Variants in RFX8 observed in about 807,000 individuals in gnomAD.
RFX8 encodes regulatory factor X8.
In RFX8, 46 loss-of-function variants were observed where a neutral mutation model predicts 54.6. The observed-to-expected ratio is 0.84, with a 90% CI of 0.67 to 1.08. RFX8 has a LOEUF of 1.08. Among genes scored for constraint, RFX8 ranks in the 50% least tolerant of loss-of-function variants. The pLI, the probability that RFX8 is intolerant of heterozygous loss-of-function variation, is 0.00. For synonymous variants in RFX8, 192 were observed against 209.5 expected (o/e 0.92, Z 0.72); for missense variants, 536 against 562.3 (o/e 0.95, Z 0.47).
rs755075153 is a variant in RFX8, at chr2:101,450,639, A to G, written c.72+16138T>C. On this transcript the variant is annotated intron_variant, in intron 2 of 11. Transcript: ENST00000428343. Reference sequence around the variant, plus strand: ...TATCAGGTAGCAATACTGGGCATAGAAGAAAGAGCTTTTCTTGATACAGAT... The same window carrying G: ...TATCAGGTAGCAATACTGGGCATAGGAGAAAGAGCTTTTCTTGATACAGAT... The G allele has an allele frequency of 5.3e-6, 8 of 1,517,380 alleles. No homozygotes were observed. In the South Asian group the frequency reaches 9.6e-5, roughly 18 times the overall value. The allele number at this position is 1,517,380 out of a possible 1,614,324, so 94.0% of individuals were successfully genotyped here.
intron 1 of RFX8, among the ~76,000 whole-genome samples, chr2:101,469,289 C>T (rs545701477): frequency 4.7e-5 from 7 of 147,520 alleles, no homozygotes; most frequent in African/African-American, 1.5e-4. Flanking sequence ...TGAATAGCTG[C>T]GACTACAGGC....
intron 9 of RFX8, among the ~76,000 whole-genome samples, chr2:101,406,790 G>A (rs1318146883): frequency 6.6e-6 from 1 of 152,184 alleles, no homozygotes; most frequent in Non-Finnish European, 1.5e-5. Context: ...TCTGATTGTG[G>A]AAAAGGGGCA....
At chr2:101,455,708 T>C (rs1301462369) in intron 2 of RFX8, among the ~76,000 whole-genome samples, 1 of 152,232 alleles carries the variant, frequency 6.6e-6, no homozygotes, top group Non-Finnish European at 1.5e-5. Flanking sequence ...GGCTCCTTTA[T>C]GGTTCCATAT....
Position 101,402,606 on chromosome 2 carries a change from C to G in RFX8, c.1075G>C (p.Ala359Pro). ...DDPTLGQPDQALFHSLNSSLS... is the reference protein window; with the variant it reads ...DDPTLGQPDQPLFHSLNSSLS... ...GAGGAATTCAGAGAATGGAAAAGTG[C>G]CTGGTCTGGCTGGCCGAGAGTCGGG... The change falls in exon 11 of 12, where the codon GCA (alanine) becomes CCA (proline). Residue 359 changes from alanine (A) to proline (P), a missense_variant. Ala to Pro is a conservative substitution (Grantham distance 27). Transcript: ENST00000428343. 1 of 1,552,134 alleles carries G rather than the reference C, an allele frequency of 6.4e-7. No individual in the cohort carries two copies. The highest frequency in any genetic ancestry group is 8.7e-7 in the Non-Finnish European group (1 of 1,147,124).
chr2:101,462,215 C>T (rs1041445062), intron 2 of RFX8, among the ~76,000 whole-genome samples: 8 of 152,136 alleles, frequency 5.3e-5, no homozygotes, highest in African/African-American at 1.7e-4. Context: ...ATTGCTTAAG[C>T]CCAGGGGTCC....
In RFX8 at chr2:101,397,718, G is replaced by C. The variant is rs1222166080; in HGVS notation, c.1252C>G (p.Gln418Glu). Residue 418 changes from glutamine (Q) to glutamate (E), a missense_variant, in exon 12 of 12, where the codon CAG (glutamine) becomes GAG (glutamate). By Grantham distance (29) the Gln-to-Glu change is conservative. Transcript: ENST00000428343. ...GTGGTTTCATCTTCCAACAGCACCT[G>C]GATGAGCTGCAAGAGGGAAATGTTT... is the stretch of plus-strand genomic sequence containing the variant. The part of the protein sequence containing the change: ...VDTAMGNKLI[Q>E]VLLEDETTES... 7.8e-6 allele frequency: 12 copies of C among 1,546,814 alleles called. No individual in the cohort carries two copies. The highest frequency in any genetic ancestry group is 9.6e-6 in the Non-Finnish European group (11 of 1,145,422).
At chr2:101,468,723 C>T (rs775756135) in intron 1 of RFX8, among the ~76,000 whole-genome samples, 4 of 151,526 alleles carry the variant, frequency 2.6e-5, no homozygotes, top group Admixed American at 6.6e-5. Flanking sequence ...TCTGAGGTTC[C>T]GGGTGGACAT....
At chr2:101,400,052 G>A (rs1043550270) in intron 11 of RFX8, among the ~76,000 whole-genome samples, 6 of 152,096 alleles carry the variant, frequency 3.9e-5, no homozygotes, top group African/African-American at 7.2e-5. Flanking sequence ...TGTAAAATGA[G>A]GTTGATGATA....
intron 8 of RFX8, among the ~76,000 whole-genome samples, chr2:101,412,041 G>T (rs1686163932): frequency 6.6e-6 from 1 of 152,184 alleles, no homozygotes; most frequent in Non-Finnish European, 1.5e-5. Flanking sequence ...TAGGAACTGA[G>T]CGGGCAGCTG....
chr2:101,447,704 A>G (rs1688467660), intron 2 of RFX8, among the ~76,000 whole-genome samples: 6 of 152,208 alleles, frequency 3.9e-5, no homozygotes, highest in Admixed American at 3.9e-4. Flanking sequence ...AAATACTAGA[A>G]CTTATTCTTT....
intron 2 of RFX8, among the ~76,000 whole-genome samples, chr2:101,423,274 A>AAG (rs1489163395): frequency 6.6e-6 from 1 of 151,664 alleles, no homozygotes; most frequent in African/African-American, 2.4e-5. Context: ...AAAAAAAAAA[A>AAG]AAGAAGCAAT....
chr2:101,402,544 T>C lies in RFX8; in HGVS notation c.1137A>G (p.Pro379=). The C allele has an allele frequency of 4.5e-6, 7 of 1,551,756 alleles. No homozygotes were observed. Among genetic ancestry groups the C allele is most frequent in the Non-Finnish European group, 6.1e-6 (7 of 1,146,976 alleles). The change falls in exon 11 of 12, where the codon CCA becomes CCG. Residue 379 remains proline, a synonymous_variant. Transcript: ENST00000428343. The part of the protein sequence containing the change: ...SQACASPSME[P]LGVMPTHMGQ... ...CCATGTGTGTGGGCATCACCCCCAG[T>C]GGCTCCATGCTGGGGCTGGCACACG...
At chr2:101,433,722 A>G (rs1178844201) in intron 2 of RFX8, among the ~76,000 whole-genome samples, 1 of 152,238 alleles carries the variant, frequency 6.6e-6, no homozygotes, top group East Asian at 1.9e-4. Context: ...TGAAGCAATT[A>G]CAAAGGTAAG....
At chr2:101,419,550 T>C (rs1686736979) in intron 4 of RFX8, among the ~76,000 whole-genome samples, 1 of 152,318 alleles carries the variant, frequency 6.6e-6, no homozygotes, top group Admixed American at 6.5e-5. Flanking sequence ...CTTTTCAGTT[T>C]CCGTTCTTTA....
At chr2:101,442,591 T>G (rs1000294870) in intron 2 of RFX8, among the ~76,000 whole-genome samples, 1 of 152,210 alleles carries the variant, frequency 6.6e-6, no homozygotes, top group African/African-American at 2.4e-5. Context: ...GTTTCAATGA[T>G]AAATGTGTTG....
intron 2 of RFX8, among the ~76,000 whole-genome samples, chr2:101,458,002 G>T (rs1689076385): frequency 6.6e-6 from 1 of 152,128 alleles, no homozygotes; most frequent in African/African-American, 2.4e-5. Flanking sequence ...TTGGTTTAAA[G>T]TCTGTTTTCT....
At chr2:101,473,452 T>C (rs1690123126) in intron 1 of RFX8, among the ~76,000 whole-genome samples, 1 of 152,186 alleles carries the variant, frequency 6.6e-6, no homozygotes, top group Non-Finnish European at 1.5e-5. Flanking sequence ...AAAATGTTCT[T>C]TTGGAGGAAA....
chr2:101,409,066 T>A (rs1260096561), intron 9 of RFX8, among the ~76,000 whole-genome samples: 26 of 152,168 alleles, frequency 1.7e-4, no homozygotes, highest in Admixed American at 1.7e-3. Context: ...CCGATCCCCC[T>A]CTCTCAGCTT....
chr2:101,423,233 T>G, intron 2 of RFX8, among the ~76,000 whole-genome samples: 1 of 140,692 alleles, frequency 7.1e-6, no homozygotes, highest in Non-Finnish European at 1.5e-5. Context: ...ACTCTAGCCT[T>G]GGCGACAAAG....
Sources: allele counts gnomAD v4.1 joint callset (sites outside exome capture counted in the v4.1 genomes callset), GRCh38; gene constraint gnomAD v4.1.1; transcripts MANE v1.5; gene names NCBI Gene and HGNC (gene_info 2026-07-23, HGNC 2026-07-21).